Variants in IDO2 observed in about 807,000 individuals in gnomAD.
The protein encoded by IDO2 is indoleamine 2,3-dioxygenase 2, also known as indoleamine 2,3-dioxygenase-like 1 protein.
A neutral mutation model predicts 45.1 loss-of-function variants in IDO2; 46 were observed. That is an observed-to-expected ratio of 1.02 (90% confidence interval 0.80 to 1.30). The LOEUF is 1.30. Among genes scored for constraint, IDO2 ranks in the 50% most tolerant of loss-of-function variants. IDO2 has a pLI of 0.00. For missense variants in IDO2, 544 were observed against 491.8 expected (o/e 1.11, Z -1.00); for synonymous variants, 218 against 184.9 (o/e 1.18, Z -1.45).
chr8:40,008,372 C>T (rs2955886), intron 9 of IDO2, among the ~76,000 whole-genome samples: 13,033 of 152,098 alleles, frequency 0.086, 645 homozygotes, highest in Middle Eastern at 0.15. Flanking sequence ...ATCCTTCTAG[C>T]ACTTTGATTC....
At chr8:39,961,320 C>CTTTTTTTTTTT (rs57577433) in intron 2 of IDO2, among the ~76,000 whole-genome samples, 1 of 106,118 alleles carries the variant, frequency 9.4e-6, no homozygotes, top group African/African-American at 3.4e-5. Context: ...TTGTATACTT[C>CTTTTTTTTTTT]TTTTTTTTTT....
chr8:40,005,988 C>T lies in IDO2; in HGVS notation c.719+610C>T, dbSNP rs530082755. Among the ~76,000 whole-genome samples, 6 of 152,216 alleles carry T rather than the reference C, an allele frequency of 3.9e-5. No individual in the cohort carries two copies. In the South Asian group the frequency reaches 1.2e-3, roughly 32 times the overall value. On this transcript the variant is annotated intron_variant, in intron 9 of 10. Transcript: ENST00000502986. ...GGCCCTTTTTGCTCCTTTTTTCTTC[C>T]ATTCCTTGTCCCTTCCACTATGTGA...
At chr8:40,005,483 G>T in intron 9 of IDO2, 105 bp downstream of exon 9, 1 of 636,702 alleles carries the variant, frequency 1.6e-6, no homozygotes, top group Non-Finnish European at 2.5e-6. Flanking sequence ...AACATACCAA[G>T]TGACTCTTGC....
chr8:39,956,702 T>C (rs1807906978), intron 2 of IDO2, among the ~76,000 whole-genome samples: 1 of 152,174 alleles, frequency 6.6e-6, no homozygotes, highest in Non-Finnish European at 1.5e-5. Flanking sequence ...AAGTGTTCAC[T>C]TTGTAGTAGG....
At chr8:39,988,713 A>G (rs1808458963) in intron 7 of IDO2, among the ~76,000 whole-genome samples, 1 of 152,090 alleles carries the variant, frequency 6.6e-6, no homozygotes, top group African/African-American at 2.4e-5. Context: ...CACCCTGCCC[A>G]GCCAACACTA....
intron 6 of IDO2, chr8:39,985,816 T>G (rs2129594622): frequency 3.2e-6 from 1 of 312,976 alleles, no homozygotes; most frequent in Non-Finnish European, 5.8e-6. Context: ...TTTATCAAAT[T>G]TCAGTAACTC....
chr8:40,003,368 CAAAAAAA>C (rs1172335332), intron 8 of IDO2, among the ~76,000 whole-genome samples: 20 of 118,424 alleles, frequency 1.7e-4, no homozygotes, highest in African/African-American at 2.6e-4. Flanking sequence ...GACTCCATCT[CAAAAAAA>C]AAAAAAAAAA....
At chr8:39,995,899 G>A (rs1387126945) in intron 8 of IDO2, among the ~76,000 whole-genome samples, 2 of 152,246 alleles carry the variant, frequency 1.3e-5, no homozygotes, top group East Asian at 3.9e-4. Flanking sequence ...CTGGGAAGAT[G>A]CCTGTCACCT....
At chr8:39,972,001 G>A (rs1168159060) in intron 3 of IDO2, among the ~76,000 whole-genome samples, 4 of 151,998 alleles carry the variant, frequency 2.6e-5, no homozygotes, top group African/African-American at 9.7e-5. Flanking sequence ...GTAGAGATGG[G>A]GTTTTTCCAT....
At chr8:39,944,706 ATCCTTTTAAC>A (rs1366789221) in intron 1 of IDO2, among the ~76,000 whole-genome samples, 1 of 152,196 alleles carries the variant, frequency 6.6e-6, no homozygotes, top group Non-Finnish European at 1.5e-5. Context: ...GTAACCATTT[ATCCTTTTAAC>A]TTTTTGCCTA....
chr8:39,950,897 TGG>T (rs1243278395), intron 2 of IDO2, among the ~76,000 whole-genome samples: 3 of 152,190 alleles, frequency 2.0e-5, no homozygotes, highest in African/African-American at 7.2e-5. Context: ...ACAGCTGATT[TGG>T]ACAGCCACTA....
chr8:39,950,795 G>A (rs991951619), intron 2 of IDO2, among the ~76,000 whole-genome samples: 14 of 152,142 alleles, frequency 9.2e-5, no homozygotes, highest in African/African-American at 2.9e-4. Context: ...GTTGCCCAGG[G>A]ATAGTTAAGG....
chr8:39,984,205 C>A (rs554062153), intron 5 of IDO2, among the ~76,000 whole-genome samples: 1 of 152,100 alleles, frequency 6.6e-6, no homozygotes, highest in Non-Finnish European at 1.5e-5. Flanking sequence ...GCAGGTGCAG[C>A]GGCTCATGCC....
At chr8:39,981,078 T>C (rs372168135) in intron 4 of IDO2, among the ~76,000 whole-genome samples, 14 of 123,226 alleles carry the variant, frequency 1.1e-4, no homozygotes, top group Admixed American at 6.9e-4. Context: ...TTTTTTTTTT[T>C]CGAGACGGAG....
chr8:40,010,993 C>A (rs910256587), intron 9 of IDO2, among the ~76,000 whole-genome samples: 1 of 152,182 alleles, frequency 6.6e-6, no homozygotes, highest in Non-Finnish European at 1.5e-5. Flanking sequence ...CTCACTGCAA[C>A]CTCTGCCTCT....
At chr8:39,941,221 CAAAAAAA>C (rs59745370) in intron 1 of IDO2, among the ~76,000 whole-genome samples, 1 of 80,586 alleles carries the variant, frequency 1.2e-5, no homozygotes, top group African/African-American at 6.1e-5. Context: ...GACTCCATCT[CAAAAAAA>C]AAAAAAAAAA....
chr8:39,966,130 G>A (rs1808081001), intron 3 of IDO2, among the ~76,000 whole-genome samples: 1 of 147,264 alleles, frequency 6.8e-6, no homozygotes, highest in Non-Finnish European at 1.5e-5. Flanking sequence ...CCAGGTTCAA[G>A]CAATTCTCCT....
intron 9 of IDO2, among the ~76,000 whole-genome samples, chr8:40,009,452 T>A (rs72630598): frequency 6.4e-4 from 54 of 84,190 alleles, no homozygotes; most frequent in East Asian, 1.8e-3. Context: ...AAAAAAAAAA[T>A]GATCTCATTT....
Position 39,999,392 on chromosome 8 carries a change from C to T in IDO2, c.668-5935C>T, listed in dbSNP as rs1205936241. 2.0e-5 allele frequency among the ~76,000 whole-genome samples: 3 copies of T among 151,098 alleles called. No individual in the cohort carries two copies. In the Admixed American group the frequency reaches 2.0e-4, roughly 10 times the overall value. ...CCTCTCGGTTCAAGCGATTCTCCTG[C>T]CTCAGCCTACCGAGTAGCTGGGATT... On this transcript the variant is annotated intron_variant, in intron 8 of 10. Transcript: ENST00000502986.
Sources: allele counts gnomAD v4.1 joint callset (sites outside exome capture counted in the v4.1 genomes callset), GRCh38; gene constraint gnomAD v4.1.1; transcripts MANE v1.5; gene names NCBI Gene and HGNC (gene_info 2026-07-23, HGNC 2026-07-21).